BEND4: variants seen among roughly 807,000 people sequenced by gnomAD.
BEND4 encodes BEN domain-containing protein 4.
A neutral mutation model predicts 54.7 loss-of-function variants in BEND4; 27 were observed. The ratio of observed to expected loss-of-function variants is 0.49; its 90% CI spans 0.36 to 0.68. The LOEUF (loss-of-function observed/expected upper bound fraction) is 0.68. Among genes scored for constraint, BEND4 ranks in the 30% least tolerant of loss-of-function variants. BEND4 has a pLI of 0.00. For missense variants in BEND4, 702 were observed against 697.2 expected, an observed-to-expected ratio of 1.01 and a Z score of -0.08; for synonymous variants, 327 against 299.5, an observed-to-expected ratio of 1.09 and a Z score of -0.95.
At chr4:42,122,607 G>A (rs1237364982) in intron 4 of BEND4, among the ~76,000 whole-genome samples, 1 of 152,200 alleles carries the variant, frequency 6.6e-6, no homozygotes, top group African/African-American at 2.4e-5. Context: ...TAGATGAGGA[G>A]CCACTAAAAA....
chr4:42,115,777 A>G lies in BEND4; in HGVS notation c.*1741T>C, dbSNP rs1389469209. 2.6e-5 allele frequency: 4 copies of G among 152,246 alleles called. No individual in the cohort carries two copies. The highest frequency in any genetic ancestry group is 2.1e-4 in the South Asian group (1 of 4,832). 9.4% of individuals were successfully genotyped at this position (152,246 alleles called of 1,614,324 possible). A position where few individuals can be genotyped will look rare whatever the true frequency, so the allele number is the denominator to read the frequency against. On this transcript the variant is annotated 3_prime_UTR_variant, in exon 6 of 6. Coordinates refer to ENST00000502486, the MANE Select transcript of BEND4 (RefSeq NM_207406.4). Reference sequence around the variant, plus strand: ...TGCCGTAAGAACATGGCATTTGCCCATATCATTTCTTTTACTTCCAAATTT... The same window carrying G: ...TGCCGTAAGAACATGGCATTTGCCCGTATCATTTCTTTTACTTCCAAATTT...
chr4:42,147,135 AATG>A (rs1721105327), intron 2 of BEND4, among the ~76,000 whole-genome samples: 1 of 152,320 alleles, frequency 6.6e-6, no homozygotes, highest in East Asian at 1.9e-4. Context: ...TGCTTTCAGA[AATG>A]ATATGTACAA....
At chr4:42,142,566 G>A (rs1035934167) in intron 3 of BEND4, among the ~76,000 whole-genome samples, 3 of 150,274 alleles carry the variant, frequency 2.0e-5, no homozygotes, top group Admixed American at 6.6e-5. Context: ...CCAGGAGACG[G>A]AGGTTGCAGT....
At chr4:42,124,289 G>A (rs1428708682) in intron 4 of BEND4, among the ~76,000 whole-genome samples, 1 of 152,182 alleles carries the variant, frequency 6.6e-6, no homozygotes, top group African/African-American at 2.4e-5. Flanking sequence ...GGAGGTCGAA[G>A]ATGCAGTGAG....
At position 42,128,751 on chromosome 4, in the gene BEND4, C is replaced by T. The variant is rs185178048; in HGVS notation, c.1055-3077G>A. On this transcript the variant is annotated intron_variant, in intron 3 of 5. Coordinates refer to ENST00000502486, the MANE Select transcript of BEND4 (RefSeq NM_207406.4). ...ATCCCAGCACTTTGGGATGAAACCCCGTCTCTACTAAAAATACAAACAAAC... is the reference window on the plus strand; with the variant it reads ...ATCCCAGCACTTTGGGATGAAACCCTGTCTCTACTAAAAATACAAACAAAC... 2.6e-5 allele frequency among the ~76,000 whole-genome samples: 4 copies of T among 151,366 alleles called. No individual in the cohort carries two copies. In the East Asian group the frequency reaches 5.8e-4, roughly 22 times the overall value.
In BEND4 at chr4:42,120,057, G is replaced by A. The variant is rs1719997915; in HGVS notation, c.1384C>T (p.Arg462Ter). The change falls in exon 5 of 6, where the codon CGA becomes TGA. Residue 462 changes from arginine to a stop codon, truncating the protein, a stop_gained. Transcript: ENST00000502486. LOFTEE classifies it high-confidence loss of function. ...ACTGAGCGGAAGGATGCAGTACCTC[G>A]GAGGCATGTTACTTTAACTGGATCC... ...PLDPVKVTCL[R>*]EFIRMHCTSN... 3 of 1,613,934 alleles carry A rather than the reference G, an allele frequency of 1.9e-6. No individual in the cohort carries two copies. The highest frequency in any genetic ancestry group is 2.5e-6 in the Non-Finnish European group (3 of 1,179,858).
Position 42,123,694 on chromosome 4 carries a change from GAAAA to G in BEND4, c.1146+1885_1146+1888del, listed in dbSNP as rs71664396. ...ATATTTACTTTGGATCTGTAATTCA[GAAAA>G]AAAAAAAAAAAAAAAAAAACAACTT... On this transcript the variant is annotated intron_variant, in intron 4 of 5. Transcript: ENST00000502486. Among the ~76,000 whole-genome samples the G allele has an allele frequency of 7.9e-5, 4 of 50,814 alleles. No homozygotes were observed. In the East Asian group the frequency reaches 1.6e-3, roughly 20 times the overall value. 33.3% of individuals were successfully genotyped at this position (50,814 alleles called of 152,430 possible).
At position 42,143,388 on chromosome 4, in the gene BEND4, G is replaced by A. The variant is rs929093531; in HGVS notation, c.1054+40C>T. 3 of 1,445,966 alleles carry A rather than the reference G, an allele frequency of 2.1e-6. No homozygotes were observed. The African/African-American group carries it at 4.2e-5, about 20-fold the overall frequency. The allele number at this position is 1,445,966 out of a possible 1,614,324, so 89.6% of individuals were successfully genotyped here. ...AGACAGATGAGACAAGTGAAAGAAAGAAGGGTTGCAGTTGTCTTGCAAGGA... is the reference window on the plus strand; with the variant it reads ...AGACAGATGAGACAAGTGAAAGAAAAAAGGGTTGCAGTTGTCTTGCAAGGA... On this transcript the variant is annotated intron_variant, in intron 3 of 5. Coordinates refer to ENST00000502486, the MANE Select transcript of BEND4 (RefSeq NM_207406.4).
At chr4:42,139,500 A>G (rs571082292) in intron 3 of BEND4, among the ~76,000 whole-genome samples, 46 of 151,368 alleles carry the variant, frequency 3.0e-4, no homozygotes, top group African/African-American at 9.7e-4. Flanking sequence ...CAGGTGCCCA[A>G]GTGAAATCAT....
chr4:42,119,996 C>A, intron 5 of BEND4, 58 bp downstream of exon 5: 1 of 1,608,506 alleles, frequency 6.2e-7, no homozygotes, highest in South Asian at 1.1e-5. Flanking sequence ...GGGAGAGCCA[C>A]AGCCAATGCG....
rs1271250959 is a variant in BEND4 at position 42,111,420 on chromosome 4, CAG to C, written c.*6096_*6097del. 1 of 152,130 alleles carries C rather than the reference CAG, an allele frequency of 6.6e-6. No homozygotes were observed. Among genetic ancestry groups the C allele is most frequent in the Non-Finnish European group, 1.5e-5 (1 of 68,024 alleles). 9.4% of individuals were successfully genotyped at this position (152,130 alleles called of 1,614,324 possible). Reference sequence around the variant, plus strand: ...GGTGTTAGGCTGCTACATGAAGTTCCAGAGAGGAGAGACATAAAGGCAATGCC... The same window carrying C: ...GGTGTTAGGCTGCTACATGAAGTTCCAGAGGAGAGACATAAAGGCAATGCC... On this transcript the variant is annotated 3_prime_UTR_variant, in exon 6 of 6. Transcript: ENST00000502486.
intron 3 of BEND4, among the ~76,000 whole-genome samples, chr4:42,131,000 A>C (rs1476392354): frequency 6.6e-6 from 1 of 152,200 alleles, no homozygotes; most frequent in East Asian, 1.9e-4. Flanking sequence ...CTCACTCATA[A>C]GTGTGAGCTA....
intron 3 of BEND4, among the ~76,000 whole-genome samples, chr4:42,128,439 C>G (rs146049497): frequency 0.026 from 4,018 of 152,114 alleles, 185 homozygotes; most frequent in African/African-American, 0.092. Context: ...CTGGCTAACA[C>G]GGTGAAACCC....
intron 2 of BEND4, among the ~76,000 whole-genome samples, chr4:42,144,376 A>G (rs995120939): frequency 7.2e-5 from 11 of 152,204 alleles, no homozygotes; most frequent in African/African-American, 2.7e-4. Flanking sequence ...CATTGATAGG[A>G]GGGCTTAAAG....
intron 3 of BEND4, among the ~76,000 whole-genome samples, chr4:42,131,894 TTG>T (rs1720519607): frequency 6.6e-6 from 1 of 152,158 alleles, no homozygotes; most frequent in Non-Finnish European, 1.5e-5. Context: ...GGCAGGGACC[TTG>T]AAGCACCCCC....
intron 3 of BEND4, among the ~76,000 whole-genome samples, chr4:42,137,555 T>C (rs961852362): frequency 1.3e-5 from 2 of 152,172 alleles, no homozygotes; most frequent in Non-Finnish European, 2.9e-5. Flanking sequence ...ATTAAGGATA[T>C]TGAGTCGATT....
Position 42,143,918 on chromosome 4 carries a change from G to T in BEND4, c.564C>A (p.Leu188=). ...TGGACTGAGAATGGTTGGAGTCCAGGAGTTTTCCTCCACAATTTAAGAGGC... is the reference window on the plus strand; with the variant it reads ...TGGACTGAGAATGGTTGGAGTCCAGTAGTTTTCCTCCACAATTTAAGAGGC... ...VLSLLNCGGK[L]LDSNHSQSMI... The change falls in exon 3 of 6, where the codon CTC becomes CTA. Residue 188 remains leucine, a synonymous_variant. Transcript: ENST00000502486. 6.5e-7 allele frequency: 1 copy of T among 1,537,562 alleles called. No individual in the cohort carries two copies. The highest frequency in any genetic ancestry group is 1.3e-5 in the South Asian group (1 of 76,102).
chr4:42,143,392 G>T, intron 3 of BEND4, 36 bp downstream of exon 3: 1 of 1,454,780 alleles, frequency 6.9e-7, no homozygotes, highest in East Asian at 2.5e-5. Context: ...AAGAAAGAAG[G>T]GTTGCAGTTG....
intron 3 of BEND4, among the ~76,000 whole-genome samples, chr4:42,137,896 C>A (rs918691027): frequency 7.9e-5 from 12 of 152,146 alleles, no homozygotes; most frequent in African/African-American, 2.7e-4. Context: ...CTATAAGACA[C>A]CACTTGACAC....
Sources: gnomAD v4.1 joint callset for allele counts (sites outside exome capture counted in the v4.1 genomes callset) on GRCh38, gnomAD v4.1.1 for gene constraint, MANE v1.5 for transcripts, NCBI Gene and HGNC (gene_info 2026-07-23, HGNC 2026-07-21) for gene names.